HABP2: variants seen among roughly 807,000 people sequenced by gnomAD.
HABP2 encodes factor VII-activating protease.
HABP2 carries 65 observed loss-of-function variants against 66.5 expected under a neutral mutation model. The ratio of observed to expected loss-of-function variants is 0.98; its 90% CI spans 0.80 to 1.20. HABP2 has a LOEUF of 1.20. Ranked by LOEUF, HABP2 falls within the 50% of genes most tolerant of loss-of-function variation. The pLI is 0.00. For missense variants in HABP2, 786 were observed against 691.0 expected (o/e 1.14, Z -1.54); for synonymous variants, 263 against 253.9 (o/e 1.04, Z -0.34).
intron 6 of HABP2, 25 bp from the exon 7 acceptor site, chr10:113,578,602 C>T: frequency 1.3e-6 from 2 of 1,583,662 alleles, no homozygotes; most frequent in Non-Finnish European, 1.7e-6. Flanking sequence ...TGTTGGTTCT[C>T]ACATTGCTAC....
At chr10:113,565,755 C>T (rs1845186519) in intron 1 of HABP2, among the ~76,000 whole-genome samples, 1 of 152,202 alleles carries the variant, frequency 6.6e-6, no homozygotes, top group Non-Finnish European at 1.5e-5. Flanking sequence ...GAGTCACACA[C>T]TGCATTTCGT....
chr10:113,581,902 A>G lies in HABP2; in HGVS notation c.865A>G (p.Thr289Ala), dbSNP rs752497136. ...QDVAYPEESP[T>A]EPSTKLPGFD... is the part of the protein sequence containing the mutation. ...CGTTGCCTACCCAGAGGAAAGCCCC[A>G]CTGAGCCATCAACCAAGCTTCCGGG... The change falls in exon 9 of 13, where the codon ACT becomes GCT. Residue 289 changes from threonine (T) to alanine (A), a missense_variant. Thr to Ala is a moderately conservative substitution (Grantham distance 58). Transcript: ENST00000351270. 6.8e-6 allele frequency: 11 copies of G among 1,614,126 alleles called. No individual in the cohort carries two copies. The East Asian group carries it at 2.5e-4, about 36-fold the overall frequency.
intron 1 of HABP2, among the ~76,000 whole-genome samples, chr10:113,557,893 A>G (rs3781387): frequency 0.18 from 27,116 of 152,260 alleles, 3,193 homozygotes; most frequent in East Asian, 0.46. Flanking sequence ...CTCATTTTAC[A>G]GACAAGAAAC....
At chr10:113,569,505 T>C (rs1298842070) in intron 2 of HABP2, 1 of 152,298 alleles carries the variant, frequency 6.6e-6, no homozygotes, top group Non-Finnish European at 1.5e-5. Context: ...CGTGGGCAAG[T>C]TGCTTCTTTG....
Position 113,567,519 on chromosome 10 carries a change from G to T in HABP2, c.100G>T (p.Asp34Tyr). The T allele has an allele frequency of 6.2e-7, 1 of 1,611,636 alleles. No homozygotes were observed. Among genetic ancestry groups the T allele is most frequent in the Non-Finnish European group, 8.5e-7 (1 of 1,177,690 alleles). ...FSLMSLLESL[D>Y]PDWTPDQYDY... ...CCTGATGTCTTTATTGGAAAGCCTGGACCCAGGTAAGTGTGCTGATCTCCC... is the reference window on the plus strand; with the variant it reads ...CCTGATGTCTTTATTGGAAAGCCTGTACCCAGGTAAGTGTGCTGATCTCCC... The change falls in exon 2 of 13, where the codon GAC becomes TAC. Residue 34 changes from aspartate to tyrosine, a missense_variant. Transcript: ENST00000351270.
At chr10:113,586,461 C>T (rs1032921114) in intron 12 of HABP2, among the ~76,000 whole-genome samples, 31 of 94,750 alleles carry the variant, frequency 3.3e-4, no homozygotes, top group African/African-American at 8.9e-4. Context: ...CTCATGTGTG[C>T]GTGTGTGTGT....
chr10:113,560,054 C>T (rs919703631), intron 1 of HABP2, among the ~76,000 whole-genome samples: 1 of 152,230 alleles, frequency 6.6e-6, no homozygotes, highest in African/African-American at 2.4e-5. Context: ...GCTCCTGGCT[C>T]ATCACTGTGG....
At position 113,588,975 on chromosome 10, in the gene HABP2, T is replaced by C; in HGVS notation, c.*606T>C. 1 of 1,611,966 alleles carries C rather than the reference T, an allele frequency of 6.2e-7. No individual in the cohort carries two copies. The highest frequency in any genetic ancestry group is 8.5e-7 in the Non-Finnish European group (1 of 1,178,208). ...TCTCAGGAATCAGGGTGGACATGGC[T>C]CACAACAGCAGGGCCTTCTTCTTTT... On this transcript the variant is annotated 3_prime_UTR_variant, in exon 13 of 13. Transcript: ENST00000351270.
intron 1 of HABP2, among the ~76,000 whole-genome samples, chr10:113,565,875 G>A (rs964109823): frequency 1.3e-5 from 2 of 152,152 alleles, no homozygotes; most frequent in Admixed American, 1.3e-4. Flanking sequence ...CCTGCAATTT[G>A]AATCTCACAA....
chr10:113,578,966 C>G (rs542799359), intron 7 of HABP2, among the ~76,000 whole-genome samples, 168 bp downstream of exon 7: 1 of 152,158 alleles, frequency 6.6e-6, no homozygotes, highest in Non-Finnish European at 1.5e-5. Context: ...ACATCAAAGT[C>G]TATTTCTGGG....
rs753998839 is a variant in HABP2, at chr10:113,578,010, A to G, written c.449-16A>G. On this transcript the variant is annotated splice_polypyrimidine_tract_variant and intron_variant, in intron 5 of 12. Coordinates refer to ENST00000351270, the MANE Select transcript of HABP2 (RefSeq NM_004132.5). Reference sequence around the variant, plus strand: ...CCTTCTGAAGAGCCTTCCTGGCCCCATTCCTGTGTTCACAGTGGTTCCTGT... The same window carrying G: ...CCTTCTGAAGAGCCTTCCTGGCCCCGTTCCTGTGTTCACAGTGGTTCCTGT... 6.2e-7 allele frequency: 1 copy of G among 1,613,512 alleles called. No individual in the cohort carries two copies. Among genetic ancestry groups the G allele is most frequent in the South Asian group, 1.1e-5 (1 of 90,952 alleles).
At chr10:113,565,597 C>T (rs1398838535) in intron 1 of HABP2, among the ~76,000 whole-genome samples, 1 of 152,224 alleles carries the variant, frequency 6.6e-6, no homozygotes, top group Non-Finnish European at 1.5e-5. Context: ...AATGGATCCA[C>T]CCCTATGCCC....
chr10:113,556,055 C>G, intron 1 of HABP2, among the ~76,000 whole-genome samples: 1 of 89,704 alleles, frequency 1.1e-5, no homozygotes, highest in South Asian at 3.0e-4. Flanking sequence ...TTCTCCTCTC[C>G]CCTGCAAAGG....
chr10:113,566,224 CTT>C (rs1195730938), intron 1 of HABP2, among the ~76,000 whole-genome samples: 1 of 152,226 alleles, frequency 6.6e-6, no homozygotes, highest in Non-Finnish European at 1.5e-5. Flanking sequence ...GTTCAGCAAA[CTT>C]TGTAAAATGT....
At chr10:113,583,171 T>G (rs749493849) in intron 9 of HABP2, 45 bp from the exon 10 acceptor site, 1 of 1,598,284 alleles carries the variant, frequency 6.3e-7, no homozygotes, top group South Asian at 1.1e-5. Flanking sequence ...GCCACACAGC[T>G]GAGCAGAAAC....
intron 2 of HABP2, among the ~76,000 whole-genome samples, chr10:113,573,299 C>G (rs1391745896): frequency 6.6e-6 from 1 of 152,240 alleles, no homozygotes; most frequent in Admixed American, 6.5e-5. Flanking sequence ...CTTACACATA[C>G]CTGTTTTTTT....
chr10:113,551,174 G>A (rs776807737), upstream of HABP2, among the ~76,000 whole-genome samples: 12 of 152,204 alleles, frequency 7.9e-5, no homozygotes, highest in South Asian at 4.1e-4. Flanking sequence ...CTTATTGAGC[G>A]TCTATCCAGT....
chr10:113,572,755 C>A (rs901959785), intron 2 of HABP2: 1 of 448,150 alleles, frequency 2.2e-6, no homozygotes, highest in Non-Finnish European at 4.5e-6. Context: ...GGAGCATTTT[C>A]ATAGTGGGGA....
chr10:113,580,371 C>T (rs960608916), intron 7 of HABP2, among the ~76,000 whole-genome samples: 1 of 152,122 alleles, frequency 6.6e-6, no homozygotes, highest in African/African-American at 2.4e-5. Flanking sequence ...GACTTGGGAC[C>T]GCTTTCTTGT....
Sources: gnomAD v4.1 joint callset for allele counts (sites outside exome capture counted in the v4.1 genomes callset) on GRCh38, gnomAD v4.1.1 for gene constraint, MANE v1.5 for transcripts, NCBI Gene and HGNC (gene_info 2026-07-23, HGNC 2026-07-21) for gene names.